RIPOR2: variants seen among roughly 807,000 people sequenced by gnomAD.
The protein encoded by RIPOR2 is RHO family interacting cell polarization regulator 2.
RIPOR2 carries 39 observed loss-of-function variants against 114.5 expected under a neutral mutation model. The ratio of observed to expected loss-of-function variants is 0.34; its 90% CI spans 0.26 to 0.44. RIPOR2 has a LOEUF of 0.44. RIPOR2 is among the 20% of genes least tolerant of loss of function. RIPOR2 has a pLI of 1.00. For missense variants in RIPOR2, 1,007 were observed against 1,255.1 expected (o/e 0.80, Z 2.99); for synonymous variants, 445 against 484.4 (o/e 0.92, Z 1.07).
intron 9 of RIPOR2, among the ~76,000 whole-genome samples, chr6:24,851,272 C>G (rs981020746): frequency 2.0e-5 from 3 of 152,208 alleles, no homozygotes; most frequent in Non-Finnish European, 4.4e-5. Context: ...AAGGTCATTG[C>G]ACTGTGCCCT....
At chr6:24,842,145 T>C (rs943343761) in intron 13 of RIPOR2, among the ~76,000 whole-genome samples, 41 of 152,322 alleles carry the variant, frequency 2.7e-4, no homozygotes, top group African/African-American at 9.4e-4. Flanking sequence ...ATCTGTCTTC[T>C]TGTGCAGTGT....
chr6:24,935,715 G>T, intron 1 of RIPOR2, 123 bp downstream of exon 1: 1 of 683,420 alleles, frequency 1.5e-6, no homozygotes, highest in South Asian at 1.8e-5. Context: ...ACCTCACTCA[G>T]GATGCTTTGT....
chr6:24,852,637 AAGGTG>A lies in RIPOR2; in HGVS notation c.716-24_716-20del. 1 of 1,580,964 alleles carries A rather than the reference AAGGTG, an allele frequency of 6.3e-7. No homozygotes were observed. Among genetic ancestry groups the A allele is most frequent in the Non-Finnish European group, 8.6e-7 (1 of 1,167,670 alleles). ...GCCAGACCTGTAACCAAGAAATTGG[AAGGTG>A]AGGTGTAGAACATATTTCCCCTCTC... On this transcript the variant is annotated intron_variant, in intron 8 of 21. Coordinates refer to ENST00000643898, the MANE Select transcript of RIPOR2 (RefSeq NM_001286445.3).
intron 1 of RIPOR2, among the ~76,000 whole-genome samples, chr6:24,964,323 C>T (rs925588744): frequency 2.6e-5 from 4 of 152,156 alleles, no homozygotes; most frequent in African/African-American, 9.7e-5. Context: ...GTCCTTAATC[C>T]CTGGCAACTC....
intron 1 of RIPOR2, among the ~76,000 whole-genome samples, chr6:24,885,997 A>C (rs1766799451): frequency 6.6e-6 from 1 of 152,232 alleles, no homozygotes. Context: ...AATTTTACAA[A>C]AAAGATTTTG....
chr6:24,996,340 G>T (rs1775045096), intron 1 of RIPOR2, among the ~76,000 whole-genome samples: 1 of 152,184 alleles, frequency 6.6e-6, no homozygotes, highest in Admixed American at 6.5e-5. Context: ...TTTGATTTAT[G>T]ACCCTGGGTT....
chr6:24,970,976 A>G (rs1227633960), intron 1 of RIPOR2, among the ~76,000 whole-genome samples: 1 of 152,220 alleles, frequency 6.6e-6, no homozygotes, highest in Admixed American at 6.5e-5. Context: ...TGCTAGTGAC[A>G]GAAATAAATG....
At chr6:25,036,311 CT>C (rs1777252414) in intron 1 of RIPOR2, among the ~76,000 whole-genome samples, 1 of 152,206 alleles carries the variant, frequency 6.6e-6, no homozygotes, top group Admixed American at 6.5e-5. Context: ...TTCCATTCCT[CT>C]GATTGGAGTC....
intron 1 of RIPOR2, among the ~76,000 whole-genome samples, chr6:24,996,682 C>G (rs7754632): frequency 0.043 from 6,598 of 152,290 alleles, 418 homozygotes; most frequent in African/African-American, 0.15. Context: ...AGAGGCTTCT[C>G]TAAGAACCCC....
chr6:25,015,486 A>T (rs1775929689), intron 1 of RIPOR2: 1 of 152,100 alleles, frequency 6.6e-6, no homozygotes, highest in Admixed American at 6.5e-5. Flanking sequence ...GGTGTTTACG[A>T]CAGTCTACAC....
At chr6:25,022,532 A>ATTTTTCTTTTTTTTTTTTT (rs1776376259) in intron 1 of RIPOR2, among the ~76,000 whole-genome samples, 1 of 40,950 alleles carries the variant, frequency 2.4e-5, no homozygotes, top group African/African-American at 7.9e-5. Flanking sequence ...GGTACCTTCC[A>ATTTTTCTTTTTTTTTTTTT]TTTTTTTTTT....
At chr6:25,032,694 C>T (rs562010349) in intron 1 of RIPOR2, among the ~76,000 whole-genome samples, 2 of 152,232 alleles carry the variant, frequency 1.3e-5, no homozygotes, top group Admixed American at 6.5e-5. Flanking sequence ...TAAGTAAGTA[C>T]GTGGACGGTT....
chr6:24,932,546 A>C (rs905762701), intron 1 of RIPOR2, among the ~76,000 whole-genome samples: 25 of 152,270 alleles, frequency 1.6e-4, no homozygotes, highest in African/African-American at 6.0e-4. Context: ...TCCTTTAACC[A>C]CAAAAAACAA....
chr6:24,976,538 A>G (rs1774056775), intron 1 of RIPOR2: 2 of 1,575,168 alleles, frequency 1.3e-6, no homozygotes, highest in Non-Finnish European at 8.7e-7. Context: ...CCATAAAGCT[A>G]TGTTAACAGA....
intron 1 of RIPOR2, among the ~76,000 whole-genome samples, chr6:24,954,801 G>A (rs962672422): frequency 3.3e-5 from 5 of 152,056 alleles, no homozygotes; most frequent in Admixed American, 2.6e-4. Context: ...AACAGCACAC[G>A]TTGGATTAAT....
At chr6:25,025,436 G>A (rs6907293) in intron 1 of RIPOR2, among the ~76,000 whole-genome samples, 31,936 of 151,904 alleles carry the variant, frequency 0.21, 4,139 homozygotes, top group East Asian at 0.59. Context: ...GGTGCGTGAC[G>A]AGGCTTTTTT....
intron 6 of RIPOR2, among the ~76,000 whole-genome samples, chr6:24,866,175 GAACTC>G (rs1764580800): frequency 6.6e-6 from 1 of 152,110 alleles, no homozygotes; most frequent in Non-Finnish European, 1.5e-5. Context: ...GAACACTTAA[GAACTC>G]AACTCTTTTT....
intron 13 of RIPOR2, 127 bp downstream of exon 13, chr6:24,842,732 AATG>A (rs1761841199): frequency 4.5e-6 from 2 of 446,804 alleles, no homozygotes; most frequent in Non-Finnish European, 7.7e-6. Flanking sequence ...TGCCATTTAA[AATG>A]ATGATGAGCT....
chr6:24,942,728 T>C (rs1177113354), intron 1 of RIPOR2, among the ~76,000 whole-genome samples: 1 of 152,230 alleles, frequency 6.6e-6, no homozygotes, highest in Admixed American at 6.5e-5. Flanking sequence ...GAAGTGTCTG[T>C]TCATATCCTT....
Sources: allele counts gnomAD v4.1 joint callset (sites outside exome capture counted in the v4.1 genomes callset), GRCh38; gene constraint gnomAD v4.1.1; transcripts MANE v1.5; gene names NCBI Gene and HGNC (gene_info 2026-07-23, HGNC 2026-07-21).